Variants in NLGN1 observed in about 807,000 individuals in gnomAD.
NLGN1 encodes the protein neuroligin 1, also known as neuroligin-1.
Under a neutral mutation model 65.5 loss-of-function variants are expected in NLGN1, and 12 were observed. That is an observed-to-expected ratio of 0.18 (90% confidence interval 0.12 to 0.30). The LOEUF is 0.30. Ranked by LOEUF, NLGN1 falls within the 10% of genes least tolerant of loss-of-function variation. The pLI is 1.00. For synonymous variants in NLGN1, 350 were observed against 359.5 expected (o/e 0.97, Z 0.30); for missense variants, 750 against 1,007.1 (o/e 0.74, Z 3.46).
chr3:173,528,253 AT>A (rs1341660353), intron 2 of NLGN1, among the ~76,000 whole-genome samples: 1 of 152,070 alleles, frequency 6.6e-6, no homozygotes, highest in African/African-American at 2.4e-5. Flanking sequence ...GACTGACAAA[AT>A]TTTTTCTTTA....
At chr3:174,239,837 A>G (rs1742460575) in intron 4 of NLGN1, among the ~76,000 whole-genome samples, 1 of 152,188 alleles carries the variant, frequency 6.6e-6, no homozygotes, top group Non-Finnish European at 1.5e-5. Flanking sequence ...AGGGATGGAA[A>G]CCATGCTCAA....
At chr3:173,995,554 G>T (rs1722081676) in intron 4 of NLGN1, among the ~76,000 whole-genome samples, 2 of 151,828 alleles carry the variant, frequency 1.3e-5, no homozygotes, top group South Asian at 4.2e-4. Flanking sequence ...AAAACTTTCT[G>T]CCCTGAGTGA....
At chr3:173,475,734 T>C (rs1726084263) in intron 2 of NLGN1, among the ~76,000 whole-genome samples, 1 of 152,194 alleles carries the variant, frequency 6.6e-6, no homozygotes, top group African/African-American at 2.4e-5. Flanking sequence ...TCCTCAAGTA[T>C]GTTTTATCTC....
At chr3:173,982,807 A>T (rs1184975724) in intron 4 of NLGN1, among the ~76,000 whole-genome samples, 1 of 152,162 alleles carries the variant, frequency 6.6e-6, no homozygotes, top group African/African-American at 2.4e-5. Context: ...ACAGTAAAAC[A>T]TATCAGGCCC....
chr3:173,816,659 A>G (rs2150506651), intron 4 of NLGN1, among the ~76,000 whole-genome samples: 1 of 152,356 alleles, frequency 6.6e-6, no homozygotes, highest in East Asian at 1.9e-4. Context: ...AAAAGCCCTC[A>G]TGAAGTGGTC....
At chr3:173,529,341 C>G (rs1320095191) in intron 2 of NLGN1, among the ~76,000 whole-genome samples, 3 of 152,104 alleles carry the variant, frequency 2.0e-5, no homozygotes, top group Non-Finnish European at 2.9e-5. Flanking sequence ...GAGGTGCTCT[C>G]TGTTGTTTCA....
At position 173,885,074 on chromosome 3, in the gene NLGN1, C is replaced by T. The variant is rs547393486; in HGVS notation, c.646+77242C>T. Reference sequence around the variant, plus strand: ...TATAAAGTTGGTGATTATTTTTCAACATAATGAATTTTAGAGGACACATTC... The same window carrying T: ...TATAAAGTTGGTGATTATTTTTCAATATAATGAATTTTAGAGGACACATTC... On this transcript the variant is annotated intron_variant, in intron 4 of 6. Coordinates refer to ENST00000457714, the Ensembl canonical transcript of NLGN1. 6.4e-4 allele frequency among the ~76,000 whole-genome samples: 98 copies of T among 152,226 alleles called. 1 individual carries two copies. The South Asian group carries it at 0.019, about 29-fold the overall frequency.
chr3:173,713,782 T>C (rs1430267207), intron 3 of NLGN1, among the ~76,000 whole-genome samples: 1 of 152,154 alleles, frequency 6.6e-6, no homozygotes, highest in Non-Finnish European at 1.5e-5. Context: ...CAAAGGTTAA[T>C]TATAAGCATA....
At chr3:174,038,949 G>C (rs890288216) in intron 4 of NLGN1, among the ~76,000 whole-genome samples, 2 of 152,112 alleles carry the variant, frequency 1.3e-5, no homozygotes, top group Non-Finnish European at 2.9e-5. Context: ...CTATTTTGTA[G>C]TTTGAATTGT....
At chr3:173,740,080 G>T (rs954900332) in intron 3 of NLGN1, among the ~76,000 whole-genome samples, 11 of 152,072 alleles carry the variant, frequency 7.2e-5, no homozygotes, top group Non-Finnish European at 1.3e-4. Context: ...TTAAATTTTG[G>T]TTGTGTAGCC....
intron 4 of NLGN1, among the ~76,000 whole-genome samples, chr3:173,843,259 G>A (rs1378603276): frequency 3.3e-5 from 5 of 152,200 alleles, no homozygotes; most frequent in Admixed American, 1.3e-4. Context: ...CTAGGCCTAC[G>A]GCCCTGTGAT....
chr3:173,943,469 C>T (rs1417831224), intron 4 of NLGN1, among the ~76,000 whole-genome samples: 1 of 152,138 alleles, frequency 6.6e-6, no homozygotes, highest in Non-Finnish European at 1.5e-5. Flanking sequence ...AAGTCTATAA[C>T]TCAGCTTCAA....
chr3:173,869,783 C>T (rs767314791), intron 4 of NLGN1, among the ~76,000 whole-genome samples: 22 of 152,108 alleles, frequency 1.4e-4, no homozygotes, highest in African/African-American at 1.9e-4. Context: ...AATTAAAATA[C>T]GTATCCTACA....
chr3:173,637,970 A>AG (rs1756850417), intron 3 of NLGN1, among the ~76,000 whole-genome samples: 1 of 152,208 alleles, frequency 6.6e-6, no homozygotes, highest in African/African-American at 2.4e-5. Flanking sequence ...AACTTTGATG[A>AG]TAAACCATTC....
At chr3:173,441,927 A>G (rs1300010459) in intron 2 of NLGN1, among the ~76,000 whole-genome samples, 8 of 152,196 alleles carry the variant, frequency 5.3e-5, no homozygotes, top group East Asian at 3.8e-4. Context: ...CCAAGTCATG[A>G]TGTAAATTCC....
At chr3:174,111,677 G>C (rs1478651021) in intron 4 of NLGN1, among the ~76,000 whole-genome samples, 1 of 151,832 alleles carries the variant, frequency 6.6e-6, no homozygotes, top group Non-Finnish European at 1.5e-5. Flanking sequence ...TGAACACAAG[G>C]TTATAGAATG....
chr3:174,002,039 T>C (rs1033308705), intron 4 of NLGN1, among the ~76,000 whole-genome samples: 1 of 141,538 alleles, frequency 7.1e-6, no homozygotes, highest in African/African-American at 2.7e-5. Flanking sequence ...GGTAACAGAA[T>C]CACCTAGACA....
intron 3 of NLGN1, among the ~76,000 whole-genome samples, chr3:173,623,008 C>A (rs1754248403): frequency 6.6e-6 from 1 of 152,044 alleles, no homozygotes; most frequent in Non-Finnish European, 1.5e-5. Flanking sequence ...GCATTCTATA[C>A]CCTCAAGGGA....
At chr3:173,846,137 A>G (rs1037205861) in intron 4 of NLGN1, among the ~76,000 whole-genome samples, 18 of 152,176 alleles carry the variant, frequency 1.2e-4, no homozygotes, top group African/African-American at 4.1e-4. Context: ...TGTCCCCAGT[A>G]CAAGTATAAT....
Sources: gnomAD v4.1 joint callset for allele counts (sites outside exome capture counted in the v4.1 genomes callset) on GRCh38, gnomAD v4.1.1 for gene constraint, MANE v1.5 for transcripts, NCBI Gene and HGNC (gene_info 2026-07-23, HGNC 2026-07-21) for gene names.